Variants in TIMMDC1 observed in about 807,000 individuals in gnomAD.
TIMMDC1 encodes complex I assembly factor TIMMDC1, mitochondrial.
Under a neutral mutation model 32.6 loss-of-function variants are expected in TIMMDC1, and 25 were observed. That is an observed-to-expected ratio of 0.77 (90% CI 0.56 to 1.07). The LOEUF (loss-of-function observed/expected upper bound fraction) is 1.07, where lower values mean the gene tolerates loss of function less well. TIMMDC1 is among the 50% of genes least tolerant of loss of function. The pLI is 0.00. For missense variants in TIMMDC1, 329 were observed against 349.2 expected (o/e 0.94, Z 0.46); for synonymous variants, 130 against 127.6 (o/e 1.02, Z -0.13).
In TIMMDC1 at chr3:119,513,723, A is replaced by T. The variant is rs1560048451; in HGVS notation, c.596+4A>T. On this transcript the variant is annotated splice_donor_region_variant and intron_variant, in intron 5 of 6. Coordinates refer to ENST00000494664, the MANE Select transcript of TIMMDC1 (RefSeq NM_016589.4). ...GCATAATTGGAGCCTTGCTGGGGTAAGCATTAACATGGTTTGGTTCTAAAT... is the reference window on the plus strand; with the variant it reads ...GCATAATTGGAGCCTTGCTGGGGTATGCATTAACATGGTTTGGTTCTAAAT... 2 of 1,591,950 alleles carry T rather than the reference A, an allele frequency of 1.3e-6. No homozygotes were observed. The highest frequency in any genetic ancestry group is 4.5e-5 in the East Asian group (2 of 44,036).
intron 1 of TIMMDC1, chr3:119,500,489 A>G (rs2081864845): frequency 4.3e-6 from 2 of 469,536 alleles, no homozygotes; most frequent in African/African-American, 2.0e-5. Context: ...AGGAGTTGCC[A>G]CTATCCTAAT....
chr3:119,521,180 T>C (rs1245307444), intron 6 of TIMMDC1, among the ~76,000 whole-genome samples: 1 of 152,020 alleles, frequency 6.6e-6, no homozygotes, highest in African/African-American at 2.4e-5. Flanking sequence ...TGGAATGAAA[T>C]AGGAATGCCC....
At chr3:119,504,493 G>A (rs1016347938) in intron 4 of TIMMDC1, among the ~76,000 whole-genome samples, 8 of 152,052 alleles carry the variant, frequency 5.3e-5, no homozygotes, top group Non-Finnish European at 1.2e-4. Flanking sequence ...GGAAAGAGTA[G>A]CTTGAGATGA....
At chr3:119,509,661 G>A (rs9843355) in intron 4 of TIMMDC1, among the ~76,000 whole-genome samples, 27,983 of 151,482 alleles carry the variant, frequency 0.18, 2,691 homozygotes, top group East Asian at 0.33. Context: ...GGATTTTGGT[G>A]ATGATTATAT....
At chr3:119,510,299 T>A (rs1448662063) in intron 4 of TIMMDC1, among the ~76,000 whole-genome samples, 1 of 152,130 alleles carries the variant, frequency 6.6e-6, no homozygotes, top group Non-Finnish European at 1.5e-5. Flanking sequence ...TTAATAAATG[T>A]ACAACTTCTC....
At chr3:119,501,002 T>A in intron 2 of TIMMDC1, 142 bp downstream of exon 2, 1 of 758,688 alleles carries the variant, frequency 1.3e-6, no homozygotes, top group Non-Finnish European at 2.0e-6. Flanking sequence ...TTAATAACAG[T>A]GGAAGTACTA....
intron 4 of TIMMDC1, among the ~76,000 whole-genome samples, chr3:119,508,097 TG>T (rs1484581312): frequency 6.6e-6 from 1 of 152,218 alleles, no homozygotes; most frequent in Non-Finnish European, 1.5e-5. Context: ...CGGAATGTTC[TG>T]GCATATTTCA....
intron 6 of TIMMDC1, 37 bp from the exon 7 acceptor site, chr3:119,523,569 G>A (rs777259629): frequency 6.5e-7 from 1 of 1,529,088 alleles, no homozygotes; most frequent in South Asian, 1.3e-5. Context: ...TAAAGAAATG[G>A]AGCAGTATTT....
chr3:119,512,219 A>G (rs2081956782), intron 4 of TIMMDC1, among the ~76,000 whole-genome samples: 1 of 152,202 alleles, frequency 6.6e-6, no homozygotes, highest in Non-Finnish European at 1.5e-5. Flanking sequence ...GAATTTAATA[A>G]TATGTTCTGT....
rs1422625894 is a variant in TIMMDC1, at chr3:119,498,594, G to A, written c.-140G>A. ...AGCGAGGCCGGGGACTGAAGGTGTGGGTGTCGAGCCCTCTGGCAGAGGGTT... is the reference window on the plus strand; with the variant it reads ...AGCGAGGCCGGGGACTGAAGGTGTGAGTGTCGAGCCCTCTGGCAGAGGGTT... On this transcript the variant is annotated 5_prime_UTR_variant, in exon 1 of 7. Transcript: ENST00000494664. The A allele has an allele frequency of 1.6e-5, 12 of 755,132 alleles. No homozygotes were observed. Among genetic ancestry groups the A allele is most frequent in the Admixed American group, 1.5e-4 (6 of 40,536 alleles). 46.8% of individuals were successfully genotyped at this position (755,132 alleles called of 1,614,324 possible). A position where few individuals can be genotyped will look rare whatever the true frequency, so the allele number is the denominator to read the frequency against.
At position 119,500,764 on chromosome 3, in the gene TIMMDC1, C is replaced by G. The variant is rs1479652705; in HGVS notation, c.264C>G (p.Gly88=). Residue 88 remains glycine, a synonymous_variant, in exon 2 of 7, where the codon GGC becomes GGG. Coordinates refer to ENST00000494664, the MANE Select transcript of TIMMDC1 (RefSeq NM_016589.4). ...CGGCAGCTACAGCAGGCATCATTGG[C>G]TGGGTGTATGGGGGAATACCAGCTT... The part of the protein sequence containing the change: ...CKTAATAGII[G]WVYGGIPAFI... 1.9e-6 allele frequency: 3 copies of G among 1,613,996 alleles called. No homozygotes were observed. The highest frequency in any genetic ancestry group is 2.7e-5 in the African/African-American group (2 of 74,924).
intron 2 of TIMMDC1, among the ~76,000 whole-genome samples, chr3:119,502,568 A>T (rs530297518): frequency 1.3e-5 from 2 of 150,094 alleles, no homozygotes; most frequent in East Asian, 3.9e-4. Flanking sequence ...TTTTTTTTGA[A>T]ATTTTTTGAG....
At chr3:119,499,786 C>T (rs6438534) in intron 1 of TIMMDC1, among the ~76,000 whole-genome samples, 55,100 of 152,112 alleles carry the variant, frequency 0.36, 10,864 homozygotes, top group African/African-American at 0.53. Flanking sequence ...TTAGAGCAGT[C>T]TCAGGATGAC....
intron 5 of TIMMDC1, among the ~76,000 whole-genome samples, chr3:119,514,168 T>TC (rs1424385755): frequency 3.3e-5 from 5 of 152,196 alleles, no homozygotes; most frequent in African/African-American, 1.2e-4. Context: ...TAAAAAATGT[T>TC]CTTCCTCAAT....
intron 1 of TIMMDC1, 143 bp downstream of exon 1, chr3:119,499,070 C>A: frequency 1.5e-6 from 1 of 649,186 alleles, no homozygotes; most frequent in Non-Finnish European, 2.6e-6. Flanking sequence ...ATTTGTAACC[C>A]AAGCTTGTAT....
intron 1 of TIMMDC1, 110 bp downstream of exon 1, chr3:119,499,037 T>A: frequency 1.2e-6 from 1 of 819,596 alleles, no homozygotes; most frequent in Non-Finnish European, 2.0e-6. Context: ...GCTTCATTTT[T>A]AGATTATATT....
At chr3:119,516,918 T>G (rs1315371663) in intron 5 of TIMMDC1, among the ~76,000 whole-genome samples, 1 of 152,212 alleles carries the variant, frequency 6.6e-6, no homozygotes, top group Non-Finnish European at 1.5e-5. Context: ...TGTTTTGATT[T>G]ATTTCTCATT....
intron 2 of TIMMDC1, among the ~76,000 whole-genome samples, chr3:119,502,060 T>G (rs1400461441): frequency 2.0e-5 from 3 of 152,228 alleles, no homozygotes; most frequent in Non-Finnish European, 4.4e-5. Flanking sequence ...CCTTGGTAAT[T>G]TATAAGTATT....
intron 5 of TIMMDC1, among the ~76,000 whole-genome samples, chr3:119,514,178 T>G (rs1169154248): frequency 1.3e-5 from 2 of 151,212 alleles, no homozygotes; most frequent in African/African-American, 2.4e-5. Flanking sequence ...TCTTCCTCAA[T>G]TTTTTACTTT....
Sources: gnomAD v4.1 joint callset for allele counts (sites outside exome capture counted in the v4.1 genomes callset) on GRCh38, gnomAD v4.1.1 for gene constraint, MANE v1.5 for transcripts, NCBI Gene and HGNC (gene_info 2026-07-23, HGNC 2026-07-21) for gene names.